Variants in CYGB observed in about 807,000 individuals in gnomAD.
The protein encoded by CYGB is cytoglobin, also known as histoglobin.
A neutral mutation model predicts 20.7 loss-of-function variants in CYGB; 13 were observed. The ratio of observed to expected loss-of-function variants is 0.63; its 90% CI spans 0.41 to 1.00. The LOEUF is 1.00. CYGB is among the 50% of genes least tolerant of loss of function. The pLI is 0.00. For missense variants in CYGB, 218 were observed against 257.2 expected (o/e 0.85, Z 1.04); for synonymous variants, 93 against 107.4 (o/e 0.87, Z 0.83).
upstream of CYGB, chr17:76,540,588 T>C (rs770202626): frequency 1.9e-6 from 3 of 1,612,380 alleles, no homozygotes; most frequent in South Asian, 3.3e-5. This position sits in a 1 kb window ranked among gnomAD's most constrained non-coding sequence, Gnocchi z 5.0. Context: ...GGCAGGAGTC[T>C]GGGCTGGGGG....
intron 1 of CYGB, among the ~76,000 whole-genome samples, chr17:76,536,560 T>G (rs1316728669): frequency 6.6e-6 from 1 of 152,142 alleles, no homozygotes; most frequent in Non-Finnish European, 1.5e-5. Context: ...CTTTCGAGAC[T>G]TGGACACATC....
At chr17:76,542,513 G>C (rs191841395), upstream of CYGB, 10 of 1,612,158 alleles carry the variant, frequency 6.2e-6, no homozygotes, top group East Asian at 2.2e-4. Flanking sequence ...TGGGAAGGTC[G>C]TGCCCTTCAA....
intron 1 of CYGB, chr17:76,543,501 T>C (rs943718085): frequency 7.8e-5 from 27 of 348,000 alleles, no homozygotes; most frequent in Admixed American, 7.7e-5. Context: ...GTAATGTTAT[T>C]ATCCACAATT....
At chr17:76,532,247 T>C (rs2074853597) in intron 1 of CYGB, among the ~76,000 whole-genome samples, 1 of 152,202 alleles carries the variant, frequency 6.6e-6, no homozygotes, top group Admixed American at 6.5e-5. Context: ...CATTCCCCAC[T>C]ATACTCGCAT....
chr17:76,539,342 AGTC>A (rs1243341244), upstream of CYGB, among the ~76,000 whole-genome samples: 1 of 152,244 alleles, frequency 6.6e-6, no homozygotes, highest in Admixed American at 6.5e-5. Flanking sequence ...AATGTAATAT[AGTC>A]GTATGGTGTA....
chr17:76,532,657 G>A (rs1407211852), intron 1 of CYGB, among the ~76,000 whole-genome samples: 1 of 149,638 alleles, frequency 6.7e-6, no homozygotes, highest in African/African-American at 2.5e-5. Flanking sequence ...TCAGCTTCCT[G>A]AGTAGCTGGG....
In CYGB at chr17:76,528,171, T is replaced by G. The variant is rs943090558; in HGVS notation, c.*407A>C. ...ATATATAGCTCGTATATAGAATATA[T>G]CTGTATATATGGTAGATGTGTGCGT... On this transcript the variant is annotated 3_prime_UTR_variant, in exon 4 of 4. Coordinates refer to ENST00000293230, the MANE Select transcript of CYGB (RefSeq NM_134268.5). The surrounding 1 kb of genome is among the most constrained non-coding windows in gnomAD (Gnocchi z 5.8). 1.8e-5 allele frequency: 7 copies of G among 394,178 alleles called. No homozygotes were observed. The highest frequency in any genetic ancestry group is 4.1e-5 in the African/African-American group (2 of 48,366). 24.4% of individuals were successfully genotyped at this position (394,178 alleles called of 1,614,324 possible).
At chr17:76,540,358 C>T, upstream of CYGB, 1 of 1,274,928 alleles carries the variant, frequency 7.8e-7, no homozygotes, top group Non-Finnish European at 1.1e-6. The surrounding 1 kb of genome is among the most constrained non-coding windows in gnomAD (Gnocchi z 5.0). Flanking sequence ...CTTGAGAGAG[C>T]ACAGTCTCAG....
intron 1 of CYGB, among the ~76,000 whole-genome samples, chr17:76,536,909 A>G (rs1461263252): frequency 6.6e-6 from 1 of 151,462 alleles, no homozygotes; most frequent in Non-Finnish European, 1.5e-5. Context: ...CTCTTTCTCA[A>G]CCTCTGCTCT....
chr17:76,538,651 A>G, upstream of CYGB: 2 of 351,692 alleles, frequency 5.7e-6, no homozygotes, highest in South Asian at 4.3e-5. Context: ...GCCGCCACCA[A>G]GGGCCCGATT....
Position 76,531,662 on chromosome 17 carries a change from T to G in CYGB, c.173A>C (p.Gln58Pro). The G allele has an allele frequency of 6.2e-7, 1 of 1,600,914 alleles. No individual in the cohort carries two copies. Among genetic ancestry groups the G allele is most frequent in the Non-Finnish European group, 8.6e-7 (1 of 1,168,916 alleles). The change falls in exon 2 of 4, where the codon CAG becomes CCG. Residue 58 changes from glutamine (Q) to proline (P), a missense_variant. Gln to Pro is a moderately conservative substitution (Grantham distance 76, BLOSUM62 -1). Around this residue, in one of 2 missense-constraint regions of CYGB, gnomAD observed 152 missense variants for 149.9 expected, o/e 1.01. Coordinates refer to ENST00000293230, the MANE Select transcript of CYGB (RefSeq NM_134268.5). This position sits in a 1 kb window ranked among gnomAD's most constrained non-coding sequence, Gnocchi z 7.4. ...CATGTGCTTGAACTGGCTGAAGTAC[T>G]GCTTGGCCGAGGGGAAGTTCACAAA... Reference protein sequence around the residue: ...RFFVNFPSAKQYFSQFKHMED... With the variant: ...RFFVNFPSAKPYFSQFKHMED...
intron 1 of CYGB, among the ~76,000 whole-genome samples, chr17:76,549,503 C>T (rs973499732): frequency 6.6e-6 from 1 of 152,164 alleles, no homozygotes; most frequent in Non-Finnish European, 1.5e-5. Context: ...AAGATGTCAC[C>T]CTGTCATACA....
At chr17:76,542,412 A>T, upstream of CYGB, 1 of 964,932 alleles carries the variant, frequency 1.0e-6, no homozygotes. Flanking sequence ...CACTGTCCTA[A>T]ATGCCAACTG....
At chr17:76,529,551 C>G (rs2074809776) in intron 3 of CYGB, 2 of 985,032 alleles carry the variant, frequency 2.0e-6, no homozygotes, top group Non-Finnish European at 2.4e-6. Context: ...CTCTCTTGGC[C>G]CTTGTAAAAA....
upstream of CYGB, chr17:76,540,250 TCGGGGGGG>T (rs2074972123): frequency 6.5e-6 from 3 of 463,676 alleles, no homozygotes; most frequent in Middle Eastern, 4.7e-4. This position sits in a 1 kb window ranked among gnomAD's most constrained non-coding sequence, Gnocchi z 5.0. Flanking sequence ...TGGCGGTTGG[TCGGGGGGG>T]GGGGGCATGG....
At chr17:76,540,617 G>A, upstream of CYGB, 1 of 1,591,974 alleles carries the variant, frequency 6.3e-7, no homozygotes, top group East Asian at 2.2e-5. The surrounding 1 kb of genome is among the most constrained non-coding windows in gnomAD (Gnocchi z 5.0). Context: ...TGCTGCCAAG[G>A]AAGCTGTGGC....
At chr17:76,529,670 C>T (rs1598200754) in intron 3 of CYGB, 1 of 985,420 alleles carries the variant, frequency 1.0e-6, no homozygotes. Context: ...CAAGCCCCCT[C>T]CCCTCCTCTT....
At chr17:76,543,226 A>G in intron 1 of CYGB, 1 of 385,872 alleles carries the variant, frequency 2.6e-6, no homozygotes, top group Non-Finnish European at 5.3e-6. Context: ...GAAAGAGCAG[A>G]CGTGCTCGCT....
At chr17:76,537,721 C>CGT (rs902110260), upstream of CYGB, 59 of 285,838 alleles carry the variant, frequency 2.1e-4, no homozygotes, top group Middle Eastern at 1.7e-3. Context: ...TGTGTGCGTG[C>CGT]GTGTGTGCAG....
Sources: allele counts gnomAD v4.1 joint callset (sites outside exome capture counted in the v4.1 genomes callset), GRCh38; gene constraint gnomAD v4.1.1; regional missense constraint gnomAD v4.1.1; non-coding constraint Gnocchi (gnomAD v3.1); transcripts MANE v1.5; gene names NCBI Gene and HGNC (gene_info 2026-07-23, HGNC 2026-07-21).